Variants in SND1 observed in about 807,000 individuals in gnomAD.
SND1 encodes the protein staphylococcal nuclease domain-containing protein 1.
Under a neutral mutation model 121.7 loss-of-function variants are expected in SND1, and 38 were observed. The observed-to-expected ratio is 0.31, with a 90% CI of 0.24 to 0.41. The LOEUF is 0.41. SND1 is among the 10% of genes least tolerant of loss of function. SND1 has a pLI of 1.00. For synonymous variants in SND1, 401 were observed against 447.4 expected (o/e 0.90, Z 1.31); for missense variants, 868 against 1,184.6 (o/e 0.73, Z 3.92).
rs929753245 is a variant in SND1 at position 127,843,100 on chromosome 7, CT to C, written c.1243-1214del. Among the ~76,000 whole-genome samples, 75 of 147,674 alleles carry C rather than the reference CT, an allele frequency of 5.1e-4. 1 individual carries two copies. The highest frequency in any genetic ancestry group is 1.7e-3 in the Admixed American group (25 of 14,704). On this transcript the variant is annotated intron_variant, in intron 11 of 23. Coordinates refer to ENST00000354725, the MANE Select transcript of SND1 (RefSeq NM_014390.4). ...CTTTTTTCTTTCTTTTTAAAATGGA[CT>C]TTTTTTTTTAGAGCAGTTTTGGATT...
chr7:127,879,540 G>A (rs1359209679), intron 12 of SND1, among the ~76,000 whole-genome samples: 1 of 152,092 alleles, frequency 6.6e-6, no homozygotes, highest in African/African-American at 2.4e-5. Flanking sequence ...TGCAAAGAAA[G>A]ATATCAGCAC....
chr7:127,863,066 A>T (rs764100816), intron 12 of SND1, among the ~76,000 whole-genome samples: 7 of 152,216 alleles, frequency 4.6e-5, no homozygotes, highest in Admixed American at 1.3e-4. Context: ...TTTGCAAACA[A>T]GGCAGCGGAG....
At chr7:127,876,525 G>C (rs562947563) in intron 12 of SND1, among the ~76,000 whole-genome samples, 19 of 152,144 alleles carry the variant, frequency 1.2e-4, no homozygotes, top group Non-Finnish European at 2.8e-4. Flanking sequence ...GGGAGGAGGA[G>C]CTGATTTGGT....
rs761227450 is a variant in SND1 at position 128,084,791 on chromosome 7, C to T, written c.2178C>T (p.Gly726=). 3.7e-6 allele frequency: 6 copies of T among 1,609,192 alleles called. No homozygotes were observed. The African/African-American group carries it at 8.0e-5, about 21-fold the overall frequency. The part of the protein sequence containing the change: ...NDIASHPPVE[G]SYAPRRGEFC... ...TTGCCAGTCACCCCCCTGTAGAGGGCTCCTATGCCCCCCGCAGGGGAGAGT... is the reference window on the plus strand; with the variant it reads ...TTGCCAGTCACCCCCCTGTAGAGGGTTCCTATGCCCCCCGCAGGGGAGAGT... Residue 726 remains glycine, a synonymous_variant, in exon 19 of 24, where the codon GGC becomes GGT. Coordinates refer to ENST00000354725, the MANE Select transcript of SND1 (RefSeq NM_014390.4).
chr7:128,047,565 T>C (rs1446993565), intron 16 of SND1, among the ~76,000 whole-genome samples: 1 of 152,182 alleles, frequency 6.6e-6, no homozygotes, highest in Non-Finnish European at 1.5e-5. Flanking sequence ...TACAGAACAG[T>C]GTTGGTGAAT....
intron 1 of SND1, chr7:127,679,258 C>T (rs1380657319): frequency 6.6e-6 from 1 of 152,166 alleles, no homozygotes; most frequent in Admixed American, 6.5e-5. Context: ...CTTATAGCCG[C>T]TTCTGGGGTG....
intron 15 of SND1, among the ~76,000 whole-genome samples, chr7:127,970,254 A>G (rs1372345597): frequency 1.3e-5 from 2 of 152,226 alleles, no homozygotes; most frequent in Non-Finnish European, 2.9e-5. Context: ...AAGTTCATTC[A>G]ACCTGAACTG....
chr7:127,874,833 CTA>C (rs1255072689), intron 12 of SND1, among the ~76,000 whole-genome samples: 1 of 151,984 alleles, frequency 6.6e-6, no homozygotes, highest in African/African-American at 2.4e-5. Flanking sequence ...CATATTAGAA[CTA>C]GAGTGCTCAA....
rs751331219 is a variant in SND1, at chr7:128,087,027, C to T, written c.2394C>T (p.Phe798=). ...CAGCTCAAGCCACGGAGTATGCCTT[C>T]GCCTTCATCCAGGTGCCCCAAGATG... is the stretch of plus-strand genomic sequence containing the variant. ...VLPAQATEYA[F]AFIQVPQDDD... Residue 798 remains phenylalanine, a synonymous_variant, in exon 21 of 24, where the codon TTC becomes TTT. Coordinates refer to ENST00000354725, the MANE Select transcript of SND1 (RefSeq NM_014390.4). The T allele has an allele frequency of 8.3e-5, 134 of 1,614,020 alleles. 2 individuals are homozygous for T. In the Admixed American group the frequency reaches 1.3e-3, roughly 16 times the overall value.
chr7:127,717,066 G>T (rs1180002532), intron 9 of SND1, among the ~76,000 whole-genome samples: 1 of 152,142 alleles, frequency 6.6e-6, no homozygotes, highest in East Asian at 1.9e-4. Context: ...AATTATTAGA[G>T]ACTTCATTTT....
intron 15 of SND1, among the ~76,000 whole-genome samples, chr7:127,948,940 C>T (rs774797173): frequency 6.6e-6 from 1 of 152,240 alleles, no homozygotes; most frequent in Non-Finnish European, 1.5e-5. Flanking sequence ...AACACATAAG[C>T]TGAGAAATAA....
Position 127,698,792 on chromosome 7 carries a change from T to G in SND1, c.350-83T>G, listed in dbSNP as rs1796051456. 5 of 1,011,298 alleles carry G rather than the reference T, an allele frequency of 4.9e-6. 1 individual carries two copies. In the East Asian group the frequency reaches 9.5e-5, roughly 19 times the overall value. The allele number at this position is 1,011,298 out of a possible 1,614,324, so 62.6% of individuals were successfully genotyped here. ...GCATTATTCTCCTTGAGGAGCTAAG[T>G]GTGAAAGTGGTCCCATTTGGGCTCT... On this transcript the variant is annotated intron_variant, in intron 3 of 23. Transcript: ENST00000354725.
intron 16 of SND1, chr7:128,031,976 G>GGCAGCA (rs980476840): frequency 3.3e-5 from 5 of 151,348 alleles, no homozygotes; most frequent in Non-Finnish European, 5.9e-5. Context: ...GGCTAGCGGC[G>GGCAGCA]GCAGCAGCAG....
intron 9 of SND1, 111 bp downstream of exon 9, chr7:127,707,758 C>A (rs1363829253): frequency 1.2e-5 from 8 of 690,348 alleles, no homozygotes; most frequent in South Asian, 1.7e-5. Flanking sequence ...TCAAGGCAAG[C>A]CAGTAGGAGT....
intron 16 of SND1, among the ~76,000 whole-genome samples, chr7:128,025,327 C>G (rs1357070383): frequency 2.0e-5 from 3 of 152,164 alleles, no homozygotes; most frequent in Non-Finnish European, 4.4e-5. Flanking sequence ...AAGACCTGGG[C>G]TTTTAGTCCC....
intron 15 of SND1, among the ~76,000 whole-genome samples, chr7:127,977,410 T>C (rs1282231035): frequency 6.6e-6 from 1 of 152,168 alleles, no homozygotes; most frequent in African/African-American, 2.4e-5. Context: ...AAATGGGTAA[T>C]GCATGTTTTA....
rs117741395 is a variant in SND1 at position 127,748,975 on chromosome 7, G to T, written c.1152+27575G>T. Among the ~76,000 whole-genome samples, 28 of 151,742 alleles carry T rather than the reference G, an allele frequency of 1.8e-4. No individual in the cohort carries two copies. The East Asian group carries it at 5.0e-3, about 27-fold the overall frequency. On this transcript the variant is annotated intron_variant, in intron 10 of 23. Transcript: ENST00000354725. ...CAGATTCCTGCTGTGCACCCCCCAT[G>T]AAGTCAGAATTATCTGTGTAGGAGG...
intron 13 of SND1, among the ~76,000 whole-genome samples, chr7:127,893,834 G>T (rs1429880171): frequency 6.6e-6 from 1 of 151,906 alleles, no homozygotes; most frequent in African/African-American, 2.4e-5. Flanking sequence ...TCTCTTCCTG[G>T]TCCCCTGAAG....
At chr7:127,825,447 G>A (rs1206142874) in intron 11 of SND1, among the ~76,000 whole-genome samples, 1 of 145,468 alleles carries the variant, frequency 6.9e-6, no homozygotes, top group Non-Finnish European at 1.5e-5. Flanking sequence ...TGTTCTTGTT[G>A]CCCAGGCTGA....
Sources: gnomAD v4.1 joint callset for allele counts (sites outside exome capture counted in the v4.1 genomes callset) on GRCh38, gnomAD v4.1.1 for gene constraint, MANE v1.5 for transcripts, NCBI Gene and HGNC (gene_info 2026-07-23, HGNC 2026-07-21) for gene names.